TRAPPC10: variants seen among roughly 807,000 people sequenced by gnomAD.
TRAPPC10 encodes the protein TRAPP 130 kDa subunit.
Under a neutral mutation model 125.5 loss-of-function variants are expected in TRAPPC10, and 23 were observed. That is an observed-to-expected ratio of 0.18 (90% CI 0.13 to 0.26). TRAPPC10 has a LOEUF of 0.26. Among genes scored for constraint, TRAPPC10 ranks in the 10% least tolerant of loss-of-function variants. TRAPPC10 has a pLI of 1.00. For synonymous variants in TRAPPC10, 509 were observed against 518.0 expected (o/e 0.98, Z 0.24); for missense variants, 1,123 against 1,308.4 (o/e 0.86, Z 2.19).
At chr21:44,031,977 A>G (rs1243545267) in intron 1 of TRAPPC10, 114 bp from the exon 2 acceptor site, 3 of 821,702 alleles carry the variant, frequency 3.7e-6, no homozygotes, top group East Asian at 5.0e-5. Flanking sequence ...ATCTTGCGAT[A>G]TCGCTTTACT....
chr21:44,077,873 T>C, intron 11 of TRAPPC10, 89 bp downstream of exon 11: 2 of 994,486 alleles, frequency 2.0e-6, no homozygotes, highest in East Asian at 5.5e-5. Flanking sequence ...AAAGTGCACA[T>C]AAATTTGTAG....
intron 3 of TRAPPC10, among the ~76,000 whole-genome samples, chr21:44,051,314 A>C (rs1349471068): frequency 6.6e-6 from 1 of 152,236 alleles, no homozygotes; most frequent in Non-Finnish European, 1.5e-5. Context: ...ACAGTGAGGA[A>C]CTAGCAAAAG....
Position 44,046,156 on chromosome 21 carries a change from C to T in TRAPPC10, c.286-6124C>T, listed in dbSNP as rs548688294. On this transcript the variant is annotated intron_variant, in intron 3 of 22. Transcript: ENST00000291574. ...TAGCTTCTTTGAAGCCACAGTGACC[C>T]TTAAATATGGTTAAGACTCGAATGT... Among the ~76,000 whole-genome samples the T allele has an allele frequency of 5.9e-5, 9 of 152,302 alleles. No individual in the cohort carries two copies. The East Asian group carries it at 1.7e-3, about 29-fold the overall frequency.
intron 3 of TRAPPC10, among the ~76,000 whole-genome samples, chr21:44,042,404 AGCTT>A (rs2034487768): frequency 6.6e-6 from 1 of 152,144 alleles, no homozygotes; most frequent in Non-Finnish European, 1.5e-5. Context: ...TTTAACAGAA[AGCTT>A]TTTAGCTTAC....
At chr21:44,074,725 G>A (rs2037146862) in intron 8 of TRAPPC10, among the ~76,000 whole-genome samples, 1 of 152,244 alleles carries the variant, frequency 6.6e-6, no homozygotes, top group East Asian at 1.9e-4. Context: ...GGGGACACGA[G>A]GGTGGTGCTG....
At position 44,059,454 on chromosome 21, in the gene TRAPPC10, C is replaced by A; in HGVS notation, c.790+240C>A. ...CAAAAATAATAATAATTTAAAAAAA[C>A]TGTTTTCCAGGTATAAAATGTCCTT... On this transcript the variant is annotated intron_variant, in intron 6 of 22. Coordinates refer to ENST00000291574, the MANE Select transcript of TRAPPC10 (RefSeq NM_003274.5). The surrounding 1 kb of genome is among the most constrained non-coding windows in gnomAD (Gnocchi z 4.4). 1 of 725,024 alleles carries A rather than the reference C, an allele frequency of 1.4e-6. No individual in the cohort carries two copies. The highest frequency in any genetic ancestry group is 2.6e-6 in the Non-Finnish European group (1 of 390,714). 44.9% of individuals were successfully genotyped at this position (725,024 alleles called of 1,614,324 possible).
At chr21:44,016,257 T>C (rs1394045948) in intron 1 of TRAPPC10, among the ~76,000 whole-genome samples, 1 of 152,236 alleles carries the variant, frequency 6.6e-6, no homozygotes, top group Non-Finnish European at 1.5e-5. Flanking sequence ...ACAGGGTCAG[T>C]TTTCTGTTTT....
At chr21:44,046,998 G>A in intron 3 of TRAPPC10, 1 of 793,924 alleles carries the variant, frequency 1.3e-6, no homozygotes, top group Non-Finnish European at 2.2e-6. Flanking sequence ...AACCGCCTTT[G>A]TCTTGGCCTT....
rs1233173905 is a variant in TRAPPC10 at position 44,083,011 on chromosome 21, G to C, written c.1947G>C (p.Lys649Asn). 2 of 1,614,042 alleles carry C rather than the reference G, an allele frequency of 1.2e-6. No homozygotes were observed. Among genetic ancestry groups the C allele is most frequent in the Admixed American group, 3.3e-5 (2 of 60,008 alleles). The change falls in exon 14 of 23, where the codon AAG becomes AAC. Residue 649 changes from lysine (K) to asparagine (N), a missense_variant. Physicochemically the swap from Lys to Asn is moderately conservative, Grantham distance 94. Coordinates refer to ENST00000291574, the MANE Select transcript of TRAPPC10 (RefSeq NM_003274.5). The stretch of plus-strand genomic sequence containing the variant: ...CTGCGGAGTGGCTTACCAAGCACAA[G>C]ACGTCCAATGGGATCATTAACTTTC... Reference protein sequence around the residue: ...RKTAEWLTKHKTSNGIINFPP... With the variant: ...RKTAEWLTKHNTSNGIINFPP...
chr21:44,013,002 T>C lies in TRAPPC10; in HGVS notation c.67+442T>C, dbSNP rs921428264. 2.6e-5 allele frequency among the ~76,000 whole-genome samples: 4 copies of C among 152,190 alleles called. No individual in the cohort carries two copies. The East Asian group carries it at 7.7e-4, about 29-fold the overall frequency. ...GGAAGTCCTTGGGGGCTCGCAGAGT[T>C]GCAGGCGTTGGCGAAGTAGGAACAG... On this transcript the variant is annotated intron_variant, in intron 1 of 22. Coordinates refer to ENST00000291574, the MANE Select transcript of TRAPPC10 (RefSeq NM_003274.5).
rs769169928 is a variant in TRAPPC10 at position 44,080,054 on chromosome 21, C to T, written c.1650C>T (p.His550=). The T allele has an allele frequency of 9.9e-6, 16 of 1,614,210 alleles. No homozygotes were observed. Among genetic ancestry groups the T allele is most frequent in the Non-Finnish European group, 1.3e-5 (15 of 1,180,042 alleles). The change falls in exon 13 of 23, where the codon CAC becomes CAT. Residue 550 remains histidine, a synonymous_variant. Transcript: ENST00000291574. ...GCAGCCTCTTAGCCAGTGACCACCA[C>T]CTCACTGAAGAGGAGCGCAAGCACT... The part of the protein sequence containing the change: ...QTSSLLASDH[H]LTEEERKHFC...
chr21:44,054,246 C>G (rs1256342840), intron 4 of TRAPPC10, among the ~76,000 whole-genome samples: 1 of 152,120 alleles, frequency 6.6e-6, no homozygotes, highest in African/African-American at 2.4e-5. Flanking sequence ...AGAAAGTGTG[C>G]AGTGGGGTGG....
At chr21:44,037,381 A>G (rs1172258819) in intron 2 of TRAPPC10, among the ~76,000 whole-genome samples, 1 of 152,214 alleles carries the variant, frequency 6.6e-6, no homozygotes, top group Admixed American at 6.5e-5. Context: ...AGTTGTTCCA[A>G]AAATACGAAT....
intron 1 of TRAPPC10, among the ~76,000 whole-genome samples, chr21:44,014,677 C>G (rs946120110): frequency 6.6e-6 from 1 of 150,798 alleles, no homozygotes; most frequent in Admixed American, 6.6e-5. Context: ...TGTCCACCTG[C>G]GCAGCCTCCC....
chr21:44,030,424 T>C (rs1048573566), intron 1 of TRAPPC10, among the ~76,000 whole-genome samples: 3 of 152,298 alleles, frequency 2.0e-5, no homozygotes, highest in Non-Finnish European at 4.4e-5. Flanking sequence ...AACCAGAGGC[T>C]AACTAAAGAT....
chr21:44,029,385 C>T lies in TRAPPC10; in HGVS notation c.68-2706C>T, dbSNP rs368946700. ...CTGGGATTACAGGCGTGAGCCACTG[C>T]GCCCAGCTGCTCTTCACCATCTTTC... On this transcript the variant is annotated intron_variant, in intron 1 of 22. Transcript: ENST00000291574. Among the ~76,000 whole-genome samples, 124 of 152,320 alleles carry T rather than the reference C, an allele frequency of 8.1e-4. No individual in the cohort carries two copies. In the East Asian group the frequency reaches 8.9e-3, roughly 11 times the overall value.
At chr21:44,014,587 G>GT (rs1219684030) in intron 1 of TRAPPC10, among the ~76,000 whole-genome samples, 49 of 114,762 alleles carry the variant, frequency 4.3e-4, no homozygotes, top group East Asian at 1.8e-3. Flanking sequence ...TTGTTTGTTT[G>GT]TTTTTGTTTT....
At chr21:44,052,722 C>T (rs1056644241) in intron 4 of TRAPPC10, among the ~76,000 whole-genome samples, 1 of 151,886 alleles carries the variant, frequency 6.6e-6, no homozygotes, top group African/African-American at 2.4e-5. Context: ...TGGGAGGCCT[C>T]TTGGTGGGTC....
At chr21:44,055,603 A>C in intron 4 of TRAPPC10, 95 bp from the exon 5 acceptor site, 12 of 942,556 alleles carry the variant, frequency 1.3e-5, no homozygotes, top group Middle Eastern at 3.8e-4. Flanking sequence ...AGGAGGAGGA[A>C]GGAAGAAAAT....
Sources: allele counts gnomAD v4.1 joint callset (sites outside exome capture counted in the v4.1 genomes callset), GRCh38; gene constraint gnomAD v4.1.1; non-coding constraint Gnocchi (gnomAD v3.1); transcripts MANE v1.5; gene names NCBI Gene and HGNC (gene_info 2026-07-23, HGNC 2026-07-21).